NDC80: variants seen among roughly 807,000 people sequenced by gnomAD.
NDC80 encodes the protein NDC80 kinetochore complex component.
Under a neutral mutation model 89.3 loss-of-function variants are expected in NDC80, and 69 were observed. That is an observed-to-expected ratio of 0.77 (90% CI 0.64 to 0.94). The LOEUF is 0.94. Ranked by LOEUF, NDC80 falls within the 40% of genes least tolerant of loss-of-function variation. NDC80 has a pLI of 0.00. For missense variants in NDC80, 593 were observed against 739.6 expected, an observed-to-expected ratio of 0.80 and a Z score of 2.30; for synonymous variants, 243 against 255.6, an observed-to-expected ratio of 0.95 and a Z score of 0.47.
intron 2 of NDC80, among the ~76,000 whole-genome samples, chr18:2,573,416 G>C (rs370284860): frequency 1.3e-5 from 2 of 152,150 alleles, no homozygotes; most frequent in East Asian, 3.8e-4. Flanking sequence ...CTGTAACTTA[G>C]AGTTCACTGA....
At chr18:2,601,672 G>T (rs796768197) in intron 13 of NDC80, among the ~76,000 whole-genome samples, 187 bp downstream of exon 13, 21 of 152,090 alleles carry the variant, frequency 1.4e-4, no homozygotes, top group African/African-American at 5.1e-4. Context: ...AAACATCCTA[G>T]CCTTCACACA....
intron 7 of NDC80, among the ~76,000 whole-genome samples, chr18:2,587,016 A>G (rs577789986): frequency 3.9e-5 from 6 of 152,320 alleles, no homozygotes; most frequent in Non-Finnish European, 5.9e-5. Context: ...ACAGCAACTG[A>G]TCTGAAGGAG....
chr18:2,597,031 T>C (rs2072660401), intron 11 of NDC80, among the ~76,000 whole-genome samples: 1 of 147,990 alleles, frequency 6.8e-6, no homozygotes, highest in East Asian at 2.0e-4. Context: ...TGTTGTGGGG[T>C]GGGGGAGAGG....
intron 16 of NDC80, among the ~76,000 whole-genome samples, chr18:2,614,037 A>G (rs188518729): frequency 1.3e-5 from 2 of 152,344 alleles, no homozygotes; most frequent in Admixed American, 1.3e-4. Flanking sequence ...CACTTAAGAA[A>G]TTGGCAAAAA....
At chr18:2,593,055 T>TGTGTGTGTGTG (rs770101280) in intron 10 of NDC80, among the ~76,000 whole-genome samples, 3 of 89,492 alleles carry the variant, frequency 3.4e-5, no homozygotes, top group African/African-American at 1.0e-4. Context: ...TGTGTGTGTG[T>TGTGTGTGTGTG]CTTTTTTTTT....
intron 12 of NDC80, among the ~76,000 whole-genome samples, chr18:2,599,745 C>A (rs934143403): frequency 1.1e-4 from 17 of 152,086 alleles, no homozygotes; most frequent in Non-Finnish European, 7.4e-5. Flanking sequence ...TGTAACTTGT[C>A]AGTTATTTAT....
At chr18:2,612,076 A>G (rs377490139) in intron 16 of NDC80, among the ~76,000 whole-genome samples, 3 of 152,076 alleles carry the variant, frequency 2.0e-5, no homozygotes, top group African/African-American at 7.2e-5. Flanking sequence ...CATTTTCCCA[A>G]TCATAGTATA....
intron 2 of NDC80, among the ~76,000 whole-genome samples, chr18:2,574,466 G>A (rs921047610): frequency 6.6e-6 from 1 of 152,074 alleles, no homozygotes; most frequent in Non-Finnish European, 1.5e-5. Context: ...GCATCACTGT[G>A]TACCCCATAA....
At chr18:2,583,510 G>A (rs1375237799) in intron 6 of NDC80, among the ~76,000 whole-genome samples, 2 of 152,086 alleles carry the variant, frequency 1.3e-5, no homozygotes. Flanking sequence ...ACACCAGCCT[G>A]GCCAATATAG....
intron 2 of NDC80, among the ~76,000 whole-genome samples, chr18:2,573,461 G>C (rs1389052755): frequency 6.6e-6 from 1 of 152,152 alleles, no homozygotes; most frequent in Non-Finnish European, 1.5e-5. Flanking sequence ...AATCAAATCA[G>C]AGCAAAATTA....
intron 10 of NDC80, chr18:2,594,406 G>C (rs983472408): frequency 1.0e-4 from 16 of 158,346 alleles, no homozygotes; most frequent in African/African-American, 3.9e-4. Context: ...CATTCAATGA[G>C]CTTTTTCAGA....
At chr18:2,605,969 A>G (rs2072709347) in intron 13 of NDC80, among the ~76,000 whole-genome samples, 1 of 152,148 alleles carries the variant, frequency 6.6e-6, no homozygotes. Flanking sequence ...ATGCATGACT[A>G]TAATAGCAAA....
At position 2,577,963 on chromosome 18, in the gene NDC80, T is replaced by C. The variant is rs777451240; in HGVS notation, c.304-6T>C. 31 of 1,610,536 alleles carry C rather than the reference T, an allele frequency of 1.9e-5. No individual in the cohort carries two copies. In the East Asian group the frequency reaches 6.5e-4, roughly 34 times the overall value. ...AACGTTTGGTGGTTCATAAAAATTA[T>C]TGTAGTTTCTTACAGAAAATGGTTA... On this transcript the variant is annotated splice_region_variant and splice_polypyrimidine_tract_variant and intron_variant, in intron 4 of 16. Coordinates refer to ENST00000261597, the MANE Select transcript of NDC80 (RefSeq NM_006101.3).
chr18:2,580,310 G>A (rs754744936), intron 6 of NDC80, among the ~76,000 whole-genome samples: 3 of 150,832 alleles, frequency 2.0e-5, no homozygotes, highest in Non-Finnish European at 4.4e-5. Flanking sequence ...CTCTCTATAT[G>A]GTGCAAGCAA....
intron 14 of NDC80, 59 bp from the exon 15 acceptor site, chr18:2,608,641 C>G: frequency 6.6e-7 from 1 of 1,516,176 alleles, no homozygotes; most frequent in Non-Finnish European, 9.0e-7. Flanking sequence ...TTTAAATCCA[C>G]CTAGAGTATA....
chr18:2,608,512 G>C (rs891404073), intron 14 of NDC80, among the ~76,000 whole-genome samples, 188 bp from the exon 15 acceptor site: 2 of 152,144 alleles, frequency 1.3e-5, no homozygotes, highest in Non-Finnish European at 2.9e-5. Flanking sequence ...AGCCGCATTT[G>C]TTTTTATAAT....
intron 11 of NDC80, among the ~76,000 whole-genome samples, chr18:2,596,379 A>G (rs1445060151): frequency 6.6e-6 from 1 of 151,998 alleles, no homozygotes; most frequent in East Asian, 1.9e-4. Context: ...ATGAACAGAC[A>G]CTTCTCAAAA....
intron 2 of NDC80, among the ~76,000 whole-genome samples, chr18:2,574,771 C>A (rs951477858): frequency 3.3e-5 from 5 of 152,128 alleles, no homozygotes; most frequent in African/African-American, 1.2e-4. Flanking sequence ...CCAGAGGGAC[C>A]TCTGCTGGTC....
At chr18:2,611,219 T>C (rs1001454976) in intron 16 of NDC80, among the ~76,000 whole-genome samples, 2 of 151,954 alleles carry the variant, frequency 1.3e-5, no homozygotes, top group Non-Finnish European at 2.9e-5. Context: ...CAGCTAATTT[T>C]TGTATTTTTA....
Sources: gnomAD v4.1 joint callset for allele counts (sites outside exome capture counted in the v4.1 genomes callset) on GRCh38, gnomAD v4.1.1 for gene constraint, MANE v1.5 for transcripts, NCBI Gene and HGNC (gene_info 2026-07-23, HGNC 2026-07-21) for gene names.